SPAG9: variants seen among roughly 807,000 people sequenced by gnomAD.
SPAG9 encodes C-Jun-amino-terminal kinase-interacting protein 4.
A neutral mutation model predicts 166.5 loss-of-function variants in SPAG9; 35 were observed. The ratio of observed to expected loss-of-function variants is 0.21; its 90% confidence interval spans 0.16 to 0.28. The LOEUF (loss-of-function observed/expected upper bound fraction) is 0.28. Ranked by LOEUF, SPAG9 falls within the 10% of genes least tolerant of loss-of-function variation. The pLI is 1.00. For synonymous variants in SPAG9, 534 were observed against 565.5 expected (o/e 0.94, Z 0.79); for missense variants, 1,235 against 1,603.3 (o/e 0.77, Z 3.92).
At chr17:51,044,525 A>G (rs1408168085) in intron 4 of SPAG9, among the ~76,000 whole-genome samples, 1 of 152,216 alleles carries the variant, frequency 6.6e-6, no homozygotes, top group East Asian at 1.9e-4. Context: ...CTTTTTGGCT[A>G]TATTCACATT....
chr17:51,007,110 G>GGTGTGT lies in SPAG9; in HGVS notation c.1271+153_1271+158dup, dbSNP rs3075108. On this transcript the variant is annotated intron_variant, in intron 10 of 29. Coordinates refer to ENST00000262013, the MANE Select transcript of SPAG9 (RefSeq NM_001130528.3). ...AGGGCAGTGTAGGTCCCAACATTAG[G>GGTGTGT]GTGTGTGTGTGTGTGTGTGTGTGTG... Among the ~76,000 whole-genome samples, 826 of 145,976 alleles carry GGTGTGT rather than the reference G, an allele frequency of 5.7e-3. 5 individuals carry two copies. The highest frequency in any genetic ancestry group is 0.019 in the African/African-American group (768 of 40,032).
At chr17:51,002,506 G>A (rs1331867676) in intron 12 of SPAG9, among the ~76,000 whole-genome samples, 7 of 152,154 alleles carry the variant, frequency 4.6e-5, no homozygotes, top group Non-Finnish European at 1.0e-4. Flanking sequence ...TAGGGGGCTG[G>A]ACGCAGTGAC....
intron 17 of SPAG9, 33 bp from the exon 18 acceptor site, chr17:50,995,257 CT>C: frequency 6.3e-7 from 1 of 1,587,540 alleles, no homozygotes; most frequent in South Asian, 1.1e-5. Context: ...AATATTAAGT[CT>C]AGAAATGTTT....
At chr17:50,985,980 C>A (rs1052780646) in intron 22 of SPAG9, among the ~76,000 whole-genome samples, 16 of 152,188 alleles carry the variant, frequency 1.1e-4, no homozygotes, top group Admixed American at 9.2e-4. Flanking sequence ...GGCTGCTGAG[C>A]AAAGAAAAAC....
rs1418804496 is a variant in SPAG9, at chr17:50,970,776, C to G, written c.3781G>C (p.Gly1261Arg). The change falls in exon 29 of 30, where the codon GGT becomes CGT. Residue 1261 changes from glycine to arginine, a missense_variant. By Grantham distance (125) the Gly-to-Arg change is moderately radical. This residue lies in a region of SPAG9 where 243 missense variants were observed against 358.6 expected (regional missense o/e 0.68). Transcript: ENST00000262013. ...ATAGACTTCAAGGGCGTCTGACTAC[C>G]AGGCTCCTGTGCAGATGGCCCTGCT... ...DKAGPSAQEP[G>R]SQTPLKSMLV... 6 of 1,614,136 alleles carry G rather than the reference C, an allele frequency of 3.7e-6. No individual in the cohort carries two copies. The highest frequency in any genetic ancestry group is 2.2e-5 in the East Asian group (1 of 44,874).
intron 6 of SPAG9, among the ~76,000 whole-genome samples, chr17:51,027,434 CAA>C (rs560398446): frequency 3.8e-4 from 42 of 111,064 alleles, no homozygotes; most frequent in Non-Finnish European, 3.1e-4. Context: ...GACCTTGTCT[CAA>C]AAAAAAAAAA....
chr17:50,971,459 C>CTTTTT (rs71353691), intron 28 of SPAG9, among the ~76,000 whole-genome samples: 4 of 89,872 alleles, frequency 4.5e-5, no homozygotes, highest in Non-Finnish European at 6.5e-5. Context: ...TTCAAACTAC[C>CTTTTT]TTTTTTTTTT....
chr17:51,032,134 G>T lies in SPAG9; in HGVS notation c.742-412C>A, dbSNP rs1298358900. Among the ~76,000 whole-genome samples the T allele has an allele frequency of 2.0e-5, 3 of 152,080 alleles. No homozygotes were observed. In the East Asian group the frequency reaches 5.8e-4, roughly 29 times the overall value. On this transcript the variant is annotated intron_variant, in intron 5 of 29. Coordinates refer to ENST00000262013, the MANE Select transcript of SPAG9 (RefSeq NM_001130528.3). ...TCTGAATTAGTTAGATAACACTAATGATCAAAGGATCACCAAAATCCAAAT... is the reference window on the plus strand; with the variant it reads ...TCTGAATTAGTTAGATAACACTAATTATCAAAGGATCACCAAAATCCAAAT...
At chr17:51,092,271 A>G (rs533345210) in intron 1 of SPAG9, among the ~76,000 whole-genome samples, 1 of 152,196 alleles carries the variant, frequency 6.6e-6, no homozygotes, top group Admixed American at 6.5e-5. Context: ...CAAGTCCAAA[A>G]TGTGGAAAAT....
chr17:51,112,370 C>CAA (rs767699831), intron 1 of SPAG9, among the ~76,000 whole-genome samples: 2,674 of 38,494 alleles, frequency 0.069, 165 homozygotes, highest in East Asian at 0.29. Flanking sequence ...CCCATCTCTA[C>CAA]AAAAAAAAAA....
At chr17:51,005,420 T>A (rs548599959) in intron 11 of SPAG9, among the ~76,000 whole-genome samples, 157 bp from the exon 12 acceptor site, 10 of 152,270 alleles carry the variant, frequency 6.6e-5, no homozygotes, top group Non-Finnish European at 8.8e-5. Context: ...AGTATCATCA[T>A]ATCATAGCAT....
At chr17:51,031,816 ACAAGATT>A in intron 5 of SPAG9, 94 bp from the exon 6 acceptor site, 1 of 881,750 alleles carries the variant, frequency 1.1e-6, no homozygotes, top group Non-Finnish European at 1.8e-6. Flanking sequence ...CTCCCAAGAT[ACAAGATT>A]CATCTATTAT....
chr17:50,994,303 T>C (rs986325953), intron 18 of SPAG9, among the ~76,000 whole-genome samples: 1 of 152,184 alleles, frequency 6.6e-6, no homozygotes. Flanking sequence ...AAGAAGTGCC[T>C]TTCATCTCCT....
chr17:51,062,753 G>A (rs576199183), intron 2 of SPAG9, among the ~76,000 whole-genome samples: 1 of 152,188 alleles, frequency 6.6e-6, no homozygotes, highest in African/African-American at 2.4e-5. Flanking sequence ...ACCATGCCTG[G>A]CTAATTTTTG....
chr17:51,005,067 T>G, intron 12 of SPAG9, 145 bp downstream of exon 12: 1 of 669,634 alleles, frequency 1.5e-6, no homozygotes, highest in Non-Finnish European at 2.5e-6. Context: ...TGCAGAAGCA[T>G]GAGCTATCCT....
chr17:51,116,466 T>TA (rs1337836043), intron 1 of SPAG9, among the ~76,000 whole-genome samples: 1 of 152,132 alleles, frequency 6.6e-6, no homozygotes, highest in African/African-American at 2.4e-5. Flanking sequence ...ATTTTTATTT[T>TA]AAAAAATCAC....
intron 4 of SPAG9, among the ~76,000 whole-genome samples, chr17:51,042,960 G>C (rs1484842990): frequency 1.3e-5 from 2 of 152,010 alleles, no homozygotes; most frequent in Non-Finnish European, 2.9e-5. Flanking sequence ...GGACGATCTC[G>C]GCTCACTGCA....
intron 1 of SPAG9, among the ~76,000 whole-genome samples, chr17:51,091,521 A>C (rs2048465467): frequency 6.6e-6 from 1 of 151,996 alleles, no homozygotes; most frequent in East Asian, 1.9e-4. Flanking sequence ...TTTGCATATT[A>C]TAAAACCACA....
chr17:51,052,260 T>C (rs1356241704), intron 3 of SPAG9, among the ~76,000 whole-genome samples: 1 of 152,222 alleles, frequency 6.6e-6, no homozygotes, highest in Non-Finnish European at 1.5e-5. Flanking sequence ...TTTCAGAGTT[T>C]ATGTTTTAAG....
Sources: gnomAD v4.1 joint callset for allele counts (sites outside exome capture counted in the v4.1 genomes callset) on GRCh38, gnomAD v4.1.1 for gene constraint, gnomAD v4.1.1 regional missense constraint, MANE v1.5 for transcripts, NCBI Gene and HGNC (gene_info 2026-07-23, HGNC 2026-07-21) for gene names.